The following RPS6KC1 variants were observed in gnomAD, a reference collection of about 807,000 sequenced individuals.
RPS6KC1 encodes ribosomal protein S6 kinase C1.
A neutral mutation model predicts 103.8 loss-of-function variants in RPS6KC1; 54 were observed. The ratio of observed to expected loss-of-function variants is 0.52; its 90% CI spans 0.42 to 0.65. The LOEUF (loss-of-function observed/expected upper bound fraction) is 0.65. RPS6KC1 is among the 30% of genes least tolerant of loss of function. RPS6KC1 has a pLI of 0.00. For synonymous variants in RPS6KC1, 439 were observed against 438.7 expected (o/e 1.00, Z -0.01); for missense variants, 1,151 against 1,253.8 (o/e 0.92, Z 1.24).
the RPS6KC1 span, chr1:213,428,703 A>G: frequency 6.8e-6 from 1 of 147,498 alleles, no homozygotes; most frequent in African/African-American, 2.5e-5. Context: ...AGCAGCGATT[A>G]GTTCTCATAT....
At chr1:213,304,686 C>T in the RPS6KC1 span, among the ~76,000 whole-genome samples, 5 of 151,240 alleles carry the variant, frequency 3.3e-5, no homozygotes, top group Non-Finnish European at 5.9e-5. Flanking sequence ...GGGATTACAG[C>T]ATGTGCCACC....
the RPS6KC1 span, among the ~76,000 whole-genome samples, chr1:213,783,815 C>CAAAA: frequency 4.4e-3 from 289 of 65,960 alleles, 1 homozygote; most frequent in Middle Eastern, 0.011. Context: ...AAGATGTTGC[C>CAAAA]AAAAAAAAAA....
At chr1:213,546,719 A>G in the RPS6KC1 span, among the ~76,000 whole-genome samples, 1 of 152,312 alleles carries the variant, frequency 6.6e-6, no homozygotes, top group Non-Finnish European at 1.5e-5. Flanking sequence ...ACTATTGAAC[A>G]GATAGTATAG....
chr1:213,282,314 G>C, the RPS6KC1 span, among the ~76,000 whole-genome samples: 1 of 152,226 alleles, frequency 6.6e-6, no homozygotes, highest in Non-Finnish European at 1.5e-5. Flanking sequence ...TTTTGCAAAA[G>C]TTTCTGTTTC....
At chr1:213,726,981 ATC>A in the RPS6KC1 span, among the ~76,000 whole-genome samples, 1 of 152,158 alleles carries the variant, frequency 6.6e-6, no homozygotes, top group Admixed American at 6.5e-5. Context: ...GGGCGCCACC[ATC>A]TCAACATGAG....
the RPS6KC1 span, among the ~76,000 whole-genome samples, chr1:213,720,675 A>G: frequency 6.6e-6 from 1 of 152,222 alleles, no homozygotes; most frequent in Admixed American, 6.5e-5. Flanking sequence ...ATTTCAGGCT[A>G]AGGGCTATTA....
the RPS6KC1 span, among the ~76,000 whole-genome samples, chr1:213,563,972 C>CTTTTTTTTTTTTTTTTTTTTTCTTT: frequency 1.5e-5 from 2 of 134,398 alleles, no homozygotes; most frequent in Non-Finnish European, 3.2e-5. Flanking sequence ...TTGCTTACCT[C>CTTTTTTTTTTTTTTTTTTTTTCTTT]TTTTTTTTTT....
the RPS6KC1 span, among the ~76,000 whole-genome samples, chr1:213,733,021 A>G: frequency 6.6e-6 from 1 of 152,180 alleles, no homozygotes; most frequent in South Asian, 2.1e-4. Context: ...TGTATACACC[A>G]TATTTTCTTT....
intron 1 of RPS6KC1, among the ~76,000 whole-genome samples, chr1:213,064,676 CT>C (rs34472724): frequency 3.2e-4 from 34 of 104,862 alleles, no homozygotes; most frequent in East Asian, 1.7e-3. Context: ...CCTTTGTGAA[CT>C]TTTTTTTTTT....
At chr1:213,633,736 A>G in the RPS6KC1 span, among the ~76,000 whole-genome samples, 2 of 151,894 alleles carry the variant, frequency 1.3e-5, no homozygotes, top group African/African-American at 4.8e-5. Flanking sequence ...TGGCCCAATT[A>G]AAAGACACAT....
At chr1:213,334,164 A>C in the RPS6KC1 span, among the ~76,000 whole-genome samples, 4 of 152,190 alleles carry the variant, frequency 2.6e-5, no homozygotes, top group Non-Finnish European at 5.9e-5. Flanking sequence ...GCTTCACATG[A>C]ATGAACTCAT....
the RPS6KC1 span, among the ~76,000 whole-genome samples, chr1:213,436,237 A>C: frequency 6.6e-6 from 1 of 152,228 alleles, no homozygotes; most frequent in Non-Finnish European, 1.5e-5. Context: ...AAATTAAATA[A>C]AAAGTTCAGT....
the RPS6KC1 span, among the ~76,000 whole-genome samples, chr1:213,497,306 G>A: frequency 0.019 from 2,840 of 151,580 alleles, 89 homozygotes; most frequent in African/African-American, 0.065. Context: ...AACAAACTTC[G>A]CAGAGCATGT....
chr1:213,736,022 A>G, the RPS6KC1 span, among the ~76,000 whole-genome samples: 2 of 152,270 alleles, frequency 1.3e-5, no homozygotes, highest in East Asian at 3.9e-4. Flanking sequence ...TGGCTCTGCC[A>G]CTTTCTTGGT....
chr1:213,596,527 A>G, the RPS6KC1 span, among the ~76,000 whole-genome samples: 1 of 152,232 alleles, frequency 6.6e-6, no homozygotes, highest in Non-Finnish European at 1.5e-5. Context: ...TCAGCTTTTC[A>G]CTATCAACAT....
chr1:213,601,996 CT>C, the RPS6KC1 span, among the ~76,000 whole-genome samples: 4,043 of 14,690 alleles, frequency 0.28, 1,288 homozygotes, highest in East Asian at 0.67. Context: ...CTCTTTCTTT[CT>C]TTTCTTTTCT....
the RPS6KC1 span, among the ~76,000 whole-genome samples, chr1:213,365,291 CTATT>C: frequency 6.6e-6 from 1 of 152,180 alleles, no homozygotes; most frequent in Admixed American, 6.5e-5. Flanking sequence ...TCATAATTAG[CTATT>C]TATTCCCTCT....
chr1:213,803,480 C>A, the RPS6KC1 span, among the ~76,000 whole-genome samples: 1 of 152,190 alleles, frequency 6.6e-6, no homozygotes, highest in African/African-American at 2.4e-5. Flanking sequence ...CTCCCGATCC[C>A]AGGTGATCCG....
rs141031392 is a variant in RPS6KC1 at position 213,131,978 on chromosome 1, G to A, written c.835+2089G>A. On this transcript the variant is annotated intron_variant, in intron 6 of 14. Transcript: ENST00000366960. ...GTGTGGTCAGTGTGACATTTTTTAA[G>A]TTATTTGCATTTAATCTTAGAACAT... is the stretch of plus-strand genomic sequence containing the variant. 9.2e-4 allele frequency among the ~76,000 whole-genome samples: 140 copies of A among 152,292 alleles called. 2 individuals are homozygous for A. The Middle Eastern group carries it at 0.017, about 18-fold the overall frequency.
Sources: allele counts gnomAD v4.1 joint callset (sites outside exome capture counted in the v4.1 genomes callset), GRCh38; gene constraint gnomAD v4.1.1; transcripts MANE v1.5; gene names NCBI Gene and HGNC (gene_info 2026-07-23, HGNC 2026-07-21).